PCDH11X: variants seen among roughly 807,000 people sequenced by gnomAD.
PCDH11X encodes protocadherin 11 X-linked, also known as protocadherin-11 X-linked.
In PCDH11X, 18 loss-of-function variants were observed where a neutral mutation model predicts 53.3. The observed-to-expected ratio is 0.34, with a 90% CI of 0.23 to 0.50. PCDH11X has a LOEUF of 0.50. Ranked by LOEUF, PCDH11X falls within the 20% of genes least tolerant of loss-of-function variation. The probability of loss-of-function intolerance (pLI) is 0.98; values close to 1 mark genes in which losing one functional copy is unlikely to be tolerated. For synonymous variants in PCDH11X, 279 were observed against 393.3 expected (o/e 0.71, Z 3.44); for missense variants, 570 against 1,032.4 (o/e 0.55, Z 6.14).
chrX:91,951,215 C>A (rs1245422951), intron 6 of PCDH11X, among the ~76,000 whole-genome samples: 3 of 110,290 alleles, frequency 2.7e-5, no homozygotes, highest in African/African-American at 9.9e-5. Flanking sequence ...AAAGTCAATG[C>A]ACTACAACTG....
chrX:92,128,955 A>G (rs1233802338), intron 6 of PCDH11X, among the ~76,000 whole-genome samples: 5 of 109,551 alleles, frequency 4.6e-5, no homozygotes, highest in Non-Finnish European at 9.4e-5. Flanking sequence ...CATTGTTGAA[A>G]TGGATGTTTG....
At chrX:92,028,284 T>A (rs2062997387) in intron 6 of PCDH11X, among the ~76,000 whole-genome samples, 1 of 108,355 alleles carries the variant, frequency 9.2e-6, no homozygotes, top group Admixed American at 1.0e-4. Context: ...ATACTTCATA[T>A]TCTGTAAGAT....
chrX:92,412,589 C>CTT (rs1330248154), intron 9 of PCDH11X, among the ~76,000 whole-genome samples: 1 of 86,667 alleles, frequency 1.2e-5, no homozygotes, highest in Non-Finnish European at 2.4e-5. Context: ...TATAATTTAT[C>CTT]TTTTTTTTTT....
chrX:92,360,765 C>A (rs1289940295), intron 8 of PCDH11X, among the ~76,000 whole-genome samples: 1 of 109,679 alleles, frequency 9.1e-6, no homozygotes, highest in Non-Finnish European at 1.9e-5. Flanking sequence ...CACTGCAGGT[C>A]TTCATTAGCT....
At chrX:92,325,720 A>G (rs959602988) in intron 8 of PCDH11X, among the ~76,000 whole-genome samples, 1 of 111,240 alleles carries the variant, frequency 9.0e-6, no homozygotes, top group Non-Finnish European at 1.9e-5. Flanking sequence ...TAGCAGACAA[A>G]GCTTTTCTCT....
At chrX:91,796,199 T>A (rs1935728287) in intron 1 of PCDH11X, among the ~76,000 whole-genome samples, 1 of 111,996 alleles carries the variant, frequency 8.9e-6, no homozygotes, top group Admixed American at 9.5e-5. Context: ...CTATCTTTTT[T>A]TCCAAAATGT....
At chrX:92,020,339 C>A (rs1427848824) in intron 6 of PCDH11X, among the ~76,000 whole-genome samples, 1 of 112,080 alleles carries the variant, frequency 8.9e-6, no homozygotes, top group Non-Finnish European at 1.9e-5. Context: ...AGCTCCAGGT[C>A]ATGCTTTTTC....
At chrX:92,449,059 A>G (rs2072721902) in intron 9 of PCDH11X, among the ~76,000 whole-genome samples, 2 of 111,878 alleles carry the variant, frequency 1.8e-5, no homozygotes, top group Admixed American at 9.5e-5. Flanking sequence ...ACTTCGATTT[A>G]CCAAGCTTAA....
intron 7 of PCDH11X, among the ~76,000 whole-genome samples, chrX:92,254,309 C>T (rs921162854): frequency 4.5e-5 from 5 of 110,904 alleles, no homozygotes; most frequent in Non-Finnish European, 9.4e-5. Flanking sequence ...CTTCCTCCAT[C>T]CTTTTATTTT....
chrX:92,553,038 T>TGTG (rs2074987722), intron 10 of PCDH11X, among the ~76,000 whole-genome samples: 1 of 107,836 alleles, frequency 9.3e-6, no homozygotes. Flanking sequence ...TGTGTGTTTC[T>TGTG]TGATGTGCCT....
Position 92,274,392 on chromosome X carries a change from G to A in PCDH11X, c.3144+11249G>A, listed in dbSNP as rs150943030. 4.1e-3 allele frequency among the ~76,000 whole-genome samples: 457 copies of A among 110,522 alleles called. 9 individuals are homozygous for A. In the East Asian group the frequency reaches 0.047, roughly 11 times the overall value. Reference sequence around the variant, plus strand: ...TGCTTGGCTGATTTGACTAATAAAGGCTGGTCTGTTATCAGACTGTATTGA... The same window carrying A: ...TGCTTGGCTGATTTGACTAATAAAGACTGGTCTGTTATCAGACTGTATTGA... On this transcript the variant is annotated intron_variant, in intron 8 of 10. Transcript: ENST00000682573.
intron 8 of PCDH11X, among the ~76,000 whole-genome samples, chrX:92,343,735 C>T (rs1057509770): frequency 9.0e-6 from 1 of 111,264 alleles, no homozygotes; most frequent in African/African-American, 3.3e-5. Context: ...AATCAAGAAG[C>T]TTGTGAAAAT....
In PCDH11X at chrX:91,835,817, C is replaced by T. The variant is rs1325903556; in HGVS notation, c.313C>T (p.His105Tyr). Reference protein sequence around the residue: ...KLCAGIPRDEHCFYEVEVAIL... With the variant: ...KLCAGIPRDEYCFYEVEVAIL... ...ATGTGCTGGTATCCCAAGGGATGAG[C>T]ATTGCTTTTATGAAGTGGAGGTTGC... The change falls in exon 5 of 11, where the codon CAT (histidine) becomes TAT (tyrosine). Residue 105 changes from histidine to tyrosine, a missense_variant. This residue lies in a region of PCDH11X where 84 missense variants were observed against 142.0 expected (regional missense o/e 0.59). Transcript: ENST00000682573. The T allele has an allele frequency of 1.7e-5, 20 of 1,208,193 alleles. No individual in the cohort carries two copies. Among genetic ancestry groups the T allele is most frequent in the Non-Finnish European group, 2.2e-5 (20 of 894,827 alleles).
intron 10 of PCDH11X, among the ~76,000 whole-genome samples, chrX:92,487,317 A>T (rs1201449501): frequency 9.1e-6 from 1 of 109,599 alleles, no homozygotes; most frequent in Middle Eastern, 4.2e-3. Flanking sequence ...GAACTTGAAA[A>T]CAAAACACAC....
intron 6 of PCDH11X, among the ~76,000 whole-genome samples, chrX:92,117,493 A>G (rs1188823353): frequency 2.7e-5 from 3 of 111,021 alleles, no homozygotes; most frequent in African/African-American, 9.8e-5. Context: ...TCTCTTGAAG[A>G]ACAAATAACA....
At chrX:92,268,477 G>A (rs2067881529) in intron 8 of PCDH11X, among the ~76,000 whole-genome samples, 2 of 110,777 alleles carry the variant, frequency 1.8e-5, no homozygotes, top group Non-Finnish European at 3.8e-5. Flanking sequence ...TTTTTTAGTA[G>A]AGACGGGGTT....
At chrX:91,809,278 T>C (rs1936221723) in intron 1 of PCDH11X, among the ~76,000 whole-genome samples, 188 bp from the exon 2 acceptor site, 1 of 111,072 alleles carries the variant, frequency 9.0e-6, no homozygotes. Context: ...ATCAAAAACA[T>C]TTAAAGAGCT....
chrX:92,462,261 A>C (rs1354175593), intron 9 of PCDH11X, among the ~76,000 whole-genome samples: 5 of 111,341 alleles, frequency 4.5e-5, no homozygotes, highest in Non-Finnish European at 9.4e-5. Flanking sequence ...TTTCAATTTC[A>C]CAAGGAAGGA....
intron 8 of PCDH11X, among the ~76,000 whole-genome samples, chrX:92,328,227 G>A (rs1466173803): frequency 2.7e-5 from 3 of 110,892 alleles, no homozygotes; most frequent in East Asian, 5.7e-4. Context: ...CCCAAATAGG[G>A]CATGATTGGG....
Sources: allele counts gnomAD v4.1 joint callset (sites outside exome capture counted in the v4.1 genomes callset), GRCh38; gene constraint gnomAD v4.1.1; regional missense constraint gnomAD v4.1.1; transcripts MANE v1.5; gene names NCBI Gene and HGNC (gene_info 2026-07-23, HGNC 2026-07-21).